PTPN13: variants seen among roughly 807,000 people sequenced by gnomAD.
PTPN13 encodes tyrosine-protein phosphatase non-receptor type 13.
A neutral mutation model predicts 284.0 loss-of-function variants in PTPN13; 191 were observed. The observed-to-expected ratio is 0.67, with a 90% CI of 0.60 to 0.76. PTPN13 has a LOEUF of 0.76. Among genes scored for constraint, PTPN13 ranks in the 30% least tolerant of loss-of-function variants. The pLI, the probability that PTPN13 is intolerant of heterozygous loss-of-function variation, is 0.00. For synonymous variants in PTPN13, 986 were observed against 1,022.3 expected (o/e 0.96, Z 0.68); for missense variants, 2,797 against 2,939.9 (o/e 0.95, Z 1.12).
intron 17 of PTPN13, among the ~76,000 whole-genome samples, chr4:86,747,102 G>A (rs762683312): frequency 1.3e-5 from 2 of 152,152 alleles, no homozygotes; most frequent in Non-Finnish European, 2.9e-5. Context: ...CTTCATTATA[G>A]TTGTTGTATA....
intron 23 of PTPN13, among the ~76,000 whole-genome samples, chr4:86,761,929 G>A (rs567733687): frequency 4.0e-5 from 6 of 151,836 alleles, no homozygotes; most frequent in East Asian, 1.9e-4. Flanking sequence ...TCCTTTACAC[G>A]TGTCTTTGGT....
intron 2 of PTPN13, among the ~76,000 whole-genome samples, chr4:86,659,523 T>A (rs1726230620): frequency 6.6e-6 from 1 of 152,152 alleles, no homozygotes; most frequent in Non-Finnish European, 1.5e-5. Context: ...ACATTTCAAA[T>A]TTTTAAAAGT....
At chr4:86,633,337 C>T (rs1013460472) in intron 1 of PTPN13, among the ~76,000 whole-genome samples, 8 of 152,100 alleles carry the variant, frequency 5.3e-5, no homozygotes, top group Admixed American at 3.9e-4. Context: ...CTCCTGTCTA[C>T]CTCATGTTGC....
At chr4:86,598,827 T>C (rs1295591167) in intron 1 of PTPN13, among the ~76,000 whole-genome samples, 1 of 152,162 alleles carries the variant, frequency 6.6e-6, no homozygotes, top group African/African-American at 2.4e-5. Flanking sequence ...TACAGTGGTG[T>C]GATCATAGCT....
At chr4:86,600,632 G>C (rs1764224708) in intron 1 of PTPN13, among the ~76,000 whole-genome samples, 1 of 151,726 alleles carries the variant, frequency 6.6e-6, no homozygotes, top group Non-Finnish European at 1.5e-5. Flanking sequence ...CTTAAGGTTA[G>C]AATGATTATA....
chr4:86,678,916 C>G (rs1346178016), intron 3 of PTPN13, among the ~76,000 whole-genome samples: 1 of 152,172 alleles, frequency 6.6e-6, no homozygotes, highest in Non-Finnish European at 1.5e-5. Flanking sequence ...TTGCCCATGG[C>G]TAGTTCATTC....
chr4:86,802,619 A>C (rs1565617686), intron 42 of PTPN13, among the ~76,000 whole-genome samples: 1 of 152,288 alleles, frequency 6.6e-6, no homozygotes, highest in East Asian at 1.9e-4. Context: ...TTCCTGTGTT[A>C]ATTGTAGTTA....
Position 86,693,600 on chromosome 4 carries a change from C to T in PTPN13, c.560C>T (p.Ser187Phe). 6.4e-7 allele frequency: 1 copy of T among 1,550,722 alleles called. No homozygotes were observed. Among genetic ancestry groups the T allele is most frequent in the East Asian group, 2.4e-5 (1 of 42,192 alleles). ...LGNLSGTDQL[S>F]CNSEQKPDRS... is the part of the protein sequence containing the mutation. ...ACCTGTGTACAGACAGATCAGCTTTCCTGTAACAGTGAACAAAAGCCTGAT... is the reference window on the plus strand; with the variant it reads ...ACCTGTGTACAGACAGATCAGCTTTTCTGTAACAGTGAACAAAAGCCTGAT... The change falls in exon 6 of 48, where the codon TCC (serine) becomes TTC (phenylalanine). Residue 187 changes from serine (S) to phenylalanine (F), a missense_variant. Coordinates refer to ENST00000411767, the MANE Select transcript of PTPN13 (RefSeq NM_080683.3).
rs959384303 is a variant in PTPN13 at position 86,639,868 on chromosome 4, C to T, written c.115+4497C>T. ...CAGTAAAACACACATTAGAGACCTA[C>T]TAAATAAGCAACTCTGGGGGTGCAG... On this transcript the variant is annotated intron_variant, in intron 2 of 47. Transcript: ENST00000411767. Among the ~76,000 whole-genome samples, 12 of 151,978 alleles carry T rather than the reference C, an allele frequency of 7.9e-5. No homozygotes were observed. In the East Asian group the frequency reaches 2.1e-3, roughly 27 times the overall value.
At chr4:86,752,357 A>G (rs1231469554) in intron 19 of PTPN13, among the ~76,000 whole-genome samples, 3 of 152,176 alleles carry the variant, frequency 2.0e-5, no homozygotes, top group Non-Finnish European at 4.4e-5. Context: ...TATGGAAGCA[A>G]CATTACTTTA....
At chr4:86,657,684 G>A (rs574442376) in intron 2 of PTPN13, among the ~76,000 whole-genome samples, 1 of 152,306 alleles carries the variant, frequency 6.6e-6, no homozygotes, top group Non-Finnish European at 1.5e-5. Context: ...GACCACTTTA[G>A]TCAGCAGGTG....
intron 1 of PTPN13, among the ~76,000 whole-genome samples, chr4:86,621,073 G>C (rs552147905): frequency 6.6e-6 from 1 of 152,208 alleles, no homozygotes; most frequent in East Asian, 1.9e-4. Context: ...TTTGGATCTT[G>C]TGCTTCCAGT....
chr4:86,774,195 C>T (rs1740336155), intron 32 of PTPN13, among the ~76,000 whole-genome samples, 178 bp from the exon 33 acceptor site: 1 of 152,124 alleles, frequency 6.6e-6, no homozygotes, highest in African/African-American at 2.4e-5. Context: ...GGGGGACAGT[C>T]TGTCTAGAAT....
chr4:86,733,043 A>G (rs1244895431), intron 12 of PTPN13, among the ~76,000 whole-genome samples: 1 of 152,030 alleles, frequency 6.6e-6, no homozygotes, highest in Non-Finnish European at 1.5e-5. Flanking sequence ...GGACCGTTTT[A>G]TATGTTAATG....
intron 3 of PTPN13, among the ~76,000 whole-genome samples, chr4:86,673,993 C>T (rs563926655): frequency 5.9e-5 from 9 of 152,236 alleles, no homozygotes; most frequent in East Asian, 1.9e-4. Flanking sequence ...AAGTGTGAGC[C>T]GCCGTGCCTG....
At chr4:86,807,119 G>GT (rs1351412583) in intron 44 of PTPN13, among the ~76,000 whole-genome samples, 7 of 152,194 alleles carry the variant, frequency 4.6e-5, no homozygotes, top group Admixed American at 4.6e-4. Context: ...TAGTGTTATT[G>GT]TAATACTAAA....
intron 2 of PTPN13, among the ~76,000 whole-genome samples, chr4:86,666,386 A>G (rs1034861339): frequency 6.6e-6 from 1 of 151,950 alleles, no homozygotes; most frequent in Admixed American, 6.6e-5. Flanking sequence ...GAGAAAGAAC[A>G]GCTCTCTCTT....
chr4:86,692,827 C>G (rs555527018), intron 5 of PTPN13, among the ~76,000 whole-genome samples: 10 of 152,184 alleles, frequency 6.6e-5, no homozygotes, highest in African/African-American at 2.4e-4. Context: ...CGCCTGTAAT[C>G]CCAGCACTTT....
chr4:86,631,732 C>T (rs1031222835), intron 1 of PTPN13, among the ~76,000 whole-genome samples: 4 of 151,998 alleles, frequency 2.6e-5, no homozygotes, highest in Non-Finnish European at 1.5e-5. Context: ...TTCAATCAAG[C>T]AACAGAGGTA....
Sources: allele counts gnomAD v4.1 joint callset (sites outside exome capture counted in the v4.1 genomes callset), GRCh38; gene constraint gnomAD v4.1.1; transcripts MANE v1.5; gene names NCBI Gene and HGNC (gene_info 2026-07-23, HGNC 2026-07-21).